Variants in ATP13A5 observed in about 807,000 individuals in gnomAD.
ATP13A5 encodes probable cation-transporting ATPase 13A5.
A neutral mutation model predicts 150.2 loss-of-function variants in ATP13A5; 149 were observed. The observed-to-expected ratio is 0.99, with a 90% CI of 0.87 to 1.14. The LOEUF is 1.14. Ranked by LOEUF, ATP13A5 falls within the 50% of genes most tolerant of loss-of-function variation. The pLI is 0.00. For synonymous variants in ATP13A5, 497 were observed against 522.2 expected (o/e 0.95, Z 0.66); for missense variants, 1,383 against 1,449.3 (o/e 0.95, Z 0.74).
At chr3:193,354,003 CA>C (rs1393792924) in intron 6 of ATP13A5, 123 bp downstream of exon 6, 1 of 713,438 alleles carries the variant, frequency 1.4e-6, no homozygotes, top group Non-Finnish European at 2.2e-6. Flanking sequence ...TAAGCAGTAA[CA>C]AAAAGAAGTC....
intron 9 of ATP13A5, among the ~76,000 whole-genome samples, chr3:193,341,902 C>G (rs974140935): frequency 5.9e-5 from 9 of 152,092 alleles, no homozygotes; most frequent in African/African-American, 1.9e-4. Flanking sequence ...ATGGGAATAC[C>G]AAGTAGGGAG....
At position 193,318,967 on chromosome 3, in the gene ATP13A5, A is replaced by G. The variant is rs150757710; in HGVS notation, c.2033+24T>C. On this transcript the variant is annotated intron_variant, in intron 17 of 29. Transcript: ENST00000342358. ...ACTTCATGGGCACAGAGCCTGCTCT[A>G]GTGCCAATTTCTGAATTGCTTACCT... is the stretch of plus-strand genomic sequence containing the variant. 1,557 of 1,528,246 alleles carry G rather than the reference A, an allele frequency of 1.0e-3. 14 individuals carry two copies. The African/African-American group carries it at 0.019, about 18-fold the overall frequency. The allele number at this position is 1,528,246 out of a possible 1,614,324, so 94.7% of individuals were successfully genotyped here.
chr3:193,348,562 G>A (rs906554825), intron 7 of ATP13A5, among the ~76,000 whole-genome samples: 6 of 152,174 alleles, frequency 3.9e-5, no homozygotes, highest in Admixed American at 1.3e-4. Flanking sequence ...GGACGGAAGC[G>A]GGAGGGTTTC....
At position 193,364,266 on chromosome 3, in the gene ATP13A5, G is replaced by C. The variant is rs145645870; in HGVS notation, c.78C>G (p.Tyr26Ter). ...AGGCTTTCCGTACATTGTGGTCCCG[G>C]TAACCAAACACCTCCTGGAGAATAA... is the stretch of plus-strand genomic sequence containing the variant. Reference protein sequence around the residue: ...GEEDELEVFGYRDHNVRKAFC... With the variant: ...GEEDELEVFG The change falls in exon 2 of 30, where the codon TAC becomes TAG. Residue 26 changes from tyrosine (Y) to a stop codon, truncating the protein, a stop_gained. Coordinates refer to ENST00000342358, the MANE Select transcript of ATP13A5 (RefSeq NM_198505.4). LOFTEE classifies it high-confidence loss of function. 3.6e-5 allele frequency: 58 copies of C among 1,613,168 alleles called. No homozygotes were observed. The highest frequency in any genetic ancestry group is 4.8e-5 in the Non-Finnish European group (57 of 1,179,650).
At chr3:193,282,248 A>G (rs1717528942) in intron 27 of ATP13A5, among the ~76,000 whole-genome samples, 2 of 152,200 alleles carry the variant, frequency 1.3e-5, no homozygotes, top group South Asian at 4.1e-4. Flanking sequence ...CTTGTAAAAT[A>G]CATTTATAAT....
At chr3:193,361,039 GA>G (rs980977055) in intron 5 of ATP13A5, among the ~76,000 whole-genome samples, 6 of 152,008 alleles carry the variant, frequency 3.9e-5, no homozygotes, top group Admixed American at 2.6e-4. Flanking sequence ...TGATAAATAA[GA>G]AAAAAACATG....
intron 7 of ATP13A5, among the ~76,000 whole-genome samples, chr3:193,348,119 G>C (rs974408918): frequency 9.2e-5 from 14 of 152,168 alleles, no homozygotes; most frequent in Non-Finnish European, 1.9e-4. Context: ...CAGAAAATCT[G>C]CAAACACGGG....
intron 29 of ATP13A5, among the ~76,000 whole-genome samples, chr3:193,276,305 T>A (rs1181626222): frequency 6.6e-6 from 1 of 152,190 alleles, no homozygotes; most frequent in Admixed American, 6.5e-5. Context: ...AGAAACACCG[T>A]AAGAGGAAGA....
At chr3:193,356,918 C>T (rs969142717) in intron 5 of ATP13A5, among the ~76,000 whole-genome samples, 10 of 152,036 alleles carry the variant, frequency 6.6e-5, no homozygotes, top group South Asian at 2.1e-4. Flanking sequence ...CAGTTTCAAG[C>T]GATTCTCCTG....
intron 14 of ATP13A5, among the ~76,000 whole-genome samples, chr3:193,324,315 T>C (rs1488587857): frequency 6.6e-6 from 1 of 152,218 alleles, no homozygotes; most frequent in Non-Finnish European, 1.5e-5. Flanking sequence ...CAGCCACTTG[T>C]AGCTATTTAA....
intron 1 of ATP13A5, among the ~76,000 whole-genome samples, chr3:193,374,940 C>T (rs1310910188): frequency 6.6e-6 from 1 of 152,142 alleles, no homozygotes; most frequent in East Asian, 1.9e-4. Context: ...CTTTTACCTT[C>T]CACCATGGAA....
At chr3:193,281,446 T>TG (rs1184303567) in intron 27 of ATP13A5, among the ~76,000 whole-genome samples, 5 of 152,242 alleles carry the variant, frequency 3.3e-5, no homozygotes, top group African/African-American at 1.2e-4. Context: ...GGTTAGTTGC[T>TG]GCTGCTGAGG....
At chr3:193,343,390 A>T (rs1019083936) in intron 9 of ATP13A5, among the ~76,000 whole-genome samples, 1 of 152,200 alleles carries the variant, frequency 6.6e-6, no homozygotes, top group Non-Finnish European at 1.5e-5. Flanking sequence ...GCTCAGTGAG[A>T]TCAACAGGAA....
intron 28 of ATP13A5, among the ~76,000 whole-genome samples, chr3:193,278,396 G>A (rs1213762302): frequency 6.6e-6 from 1 of 152,126 alleles, no homozygotes; most frequent in Non-Finnish European, 1.5e-5. Flanking sequence ...TTCTCTAGCT[G>A]CCTCCATCCA....
intron 10 of ATP13A5, 52 bp from the exon 11 acceptor site, chr3:193,333,959 C>G: frequency 6.4e-7 from 1 of 1,559,018 alleles, no homozygotes; most frequent in Non-Finnish European, 8.7e-7. Context: ...GACACTTGGT[C>G]TCCTAAAAAT....
chr3:193,287,015 C>T (rs766565408), intron 26 of ATP13A5, among the ~76,000 whole-genome samples: 1 of 152,122 alleles, frequency 6.6e-6, no homozygotes, highest in Non-Finnish European at 1.5e-5. Context: ...TCAAACCAGT[C>T]ACAACATTCC....
chr3:193,360,971 CCAGT>C (rs1323206670), intron 5 of ATP13A5, among the ~76,000 whole-genome samples: 1 of 152,150 alleles, frequency 6.6e-6, no homozygotes, highest in Non-Finnish European at 1.5e-5. Context: ...GCCACTGCGC[CCAGT>C]CATGGATCAG....
chr3:193,378,363 A>T (rs1287722876), intron 1 of ATP13A5, among the ~76,000 whole-genome samples: 1 of 152,172 alleles, frequency 6.6e-6, no homozygotes, highest in Non-Finnish European at 1.5e-5. Context: ...AGGGGGAGAC[A>T]CCCCACTGAG....
chr3:193,316,170 T>G (rs1371784424), intron 17 of ATP13A5, among the ~76,000 whole-genome samples: 1 of 152,184 alleles, frequency 6.6e-6, no homozygotes, highest in East Asian at 1.9e-4. Flanking sequence ...TAATATTCCA[T>G]TATATGTACA....
Sources: allele counts gnomAD v4.1 joint callset (sites outside exome capture counted in the v4.1 genomes callset), GRCh38; gene constraint gnomAD v4.1.1; transcripts MANE v1.5; gene names NCBI Gene and HGNC (gene_info 2026-07-23, HGNC 2026-07-21).